CDC42: variants seen among roughly 807,000 people sequenced by gnomAD.
CDC42 encodes the protein cell division control protein 42 homolog.
A neutral mutation model predicts 20.8 loss-of-function variants in CDC42; 1 was observed. The ratio of observed to expected loss-of-function variants is 0.05; its 90% confidence interval spans 0.02 to 0.23. The LOEUF is 0.23. Ranked by LOEUF, CDC42 falls within the 10% of genes least tolerant of loss-of-function variation. The pLI, the probability that CDC42 is intolerant of heterozygous loss-of-function variation, is 1.00. For missense variants in CDC42, 49 were observed against 227.9 expected, an observed-to-expected ratio of 0.21 and a Z score of 5.05; for synonymous variants, 72 against 84.8, an observed-to-expected ratio of 0.85 and a Z score of 0.83.
intron 3 of CDC42, 33 bp downstream of exon 3, chr1:22,081,827 T>G (rs1282161604): frequency 7.6e-7 from 1 of 1,316,206 alleles, no homozygotes; most frequent in Non-Finnish European, 1.1e-6. Flanking sequence ...ACTGTTTTGA[T>G]CTTTAACAGT....
At chr1:22,054,921 A>ATTTTTTTT (rs1180547322) in intron 1 of CDC42, among the ~76,000 whole-genome samples, 2 of 19,396 alleles carry the variant, frequency 1.0e-4, no homozygotes, top group Non-Finnish European at 8.9e-5. Context: ...ATATATATAT[A>ATTTTTTTT]TTTTTTTTTT....
chr1:22,072,781 T>A (rs1199720391), intron 1 of CDC42, among the ~76,000 whole-genome samples: 2 of 152,132 alleles, frequency 1.3e-5, no homozygotes, highest in Non-Finnish European at 2.9e-5. Flanking sequence ...CTCAGGAAAT[T>A]CCTAGGGTTT....
rs971932425 is a variant in CDC42 at position 22,099,506 on chromosome 1, A to G, written c.*7989A>G. On this transcript the variant is annotated 3_prime_UTR_variant, in exon 6 of 6. Coordinates refer to ENST00000656825, the MANE Select transcript of CDC42 (RefSeq NM_001791.4). ...TTGGAAACTGTGTGCTTACCATTAC[A>G]TATCTTATGTGGAAATAAAATGTAT... is the stretch of plus-strand genomic sequence containing the variant. Among the ~76,000 whole-genome samples, 20 of 152,366 alleles carry G rather than the reference A, an allele frequency of 1.3e-4. No individual in the cohort carries two copies. The highest frequency in any genetic ancestry group is 4.1e-4 in the African/African-American group (17 of 41,594).
chr1:22,066,637 G>A (rs1318121140), intron 1 of CDC42, among the ~76,000 whole-genome samples: 5 of 152,196 alleles, frequency 3.3e-5, no homozygotes, highest in Admixed American at 2.0e-4. Context: ...AGGAGTGTAA[G>A]GAGGGAGGGT....
intron 1 of CDC42, among the ~76,000 whole-genome samples, chr1:22,062,486 C>T (rs1569967444): frequency 6.6e-6 from 1 of 152,134 alleles, no homozygotes; most frequent in African/African-American, 2.4e-5. Context: ...TATAGGCTGG[C>T]ATGATTTCAT....
intron 1 of CDC42, among the ~76,000 whole-genome samples, chr1:22,059,877 C>T (rs1044274500): frequency 4.9e-5 from 5 of 101,192 alleles, no homozygotes; most frequent in Non-Finnish European, 9.9e-5. Context: ...GAATTTATTT[C>T]TCTGATATTT....
intron 1 of CDC42, among the ~76,000 whole-genome samples, chr1:22,060,330 C>A (rs569106041): frequency 6.0e-5 from 9 of 150,986 alleles, no homozygotes; most frequent in African/African-American, 2.0e-4. Flanking sequence ...GCTGAGACTC[C>A]GTCTCAAAAA....
At position 22,094,971 on chromosome 1, in the gene CDC42, A is replaced by G. The variant is rs75972062; in HGVS notation, c.*3454A>G. Among the ~76,000 whole-genome samples, 2,040 of 152,242 alleles carry G rather than the reference A, an allele frequency of 0.013. 51 individuals carry two copies. The highest frequency in any genetic ancestry group is 0.043 in the African/African-American group (1,773 of 41,518). On this transcript the variant is annotated 3_prime_UTR_variant, in exon 6 of 6. Coordinates refer to ENST00000656825, the MANE Select transcript of CDC42 (RefSeq NM_001791.4). ...GGTTATTTTGGTGCTGGGTGCTAAG[A>G]AACTCGCAAAACAAGGGCCCTGCTC...
chr1:22,080,338 C>T (rs1645595028), intron 2 of CDC42, among the ~76,000 whole-genome samples: 2 of 152,158 alleles, frequency 1.3e-5, no homozygotes, highest in African/African-American at 4.8e-5. Context: ...AGAAAATAAT[C>T]TGTTTGGTTT....
At chr1:22,066,601 C>T (rs944949571) in intron 1 of CDC42, among the ~76,000 whole-genome samples, 21 of 151,928 alleles carry the variant, frequency 1.4e-4, no homozygotes, top group African/African-American at 5.1e-4. Context: ...TATGACCTTA[C>T]AATAAAGGAA....
At chr1:22,072,091 C>CT (rs55929932) in intron 1 of CDC42, among the ~76,000 whole-genome samples, 7,704 of 70,640 alleles carry the variant, frequency 0.11, 217 homozygotes, top group Middle Eastern at 0.15. Context: ...TTTTACTTAC[C>CT]TTTTTTTTTT....
At chr1:22,079,499 A>G (rs1434251046) in intron 2 of CDC42, among the ~76,000 whole-genome samples, 1 of 152,186 alleles carries the variant, frequency 6.6e-6, no homozygotes, top group Non-Finnish European at 1.5e-5. Flanking sequence ...AATAACAAAA[A>G]TATTGAAGTG....
chr1:22,070,443 C>CTTTTT (rs567184632), intron 1 of CDC42, among the ~76,000 whole-genome samples: 3 of 60,370 alleles, frequency 5.0e-5, no homozygotes, highest in Non-Finnish European at 8.8e-5. Flanking sequence ...GCCTTTGCCT[C>CTTTTT]TTTTTTTTTT....
chr1:22,056,572 C>T (rs558111312), intron 1 of CDC42, among the ~76,000 whole-genome samples: 2 of 152,138 alleles, frequency 1.3e-5, no homozygotes, highest in African/African-American at 4.8e-5. Context: ...GTTTCTCATA[C>T]CTTCAGTCCA....
At chr1:22,074,055 A>G (rs1261562396) in intron 1 of CDC42, 3 of 152,154 alleles carry the variant, frequency 2.0e-5, no homozygotes, top group African/African-American at 7.2e-5. Flanking sequence ...TATTGGTGCA[A>G]AATAACTTAG....
chr1:22,066,680 A>G (rs1645427274), intron 1 of CDC42, among the ~76,000 whole-genome samples: 1 of 100,382 alleles, frequency 1.0e-5, no homozygotes, highest in African/African-American at 3.9e-5. Context: ...TCAGGGGAGG[A>G]CTTTTGGAGG....
chr1:22,095,290 G>A lies in CDC42; in HGVS notation c.*3773G>A, dbSNP rs995536176. ...AATGCTTGAATACTTTTTTTTTTGA[G>A]ATGGAGTCTCGTTCTGTCGCCCAGG... is the stretch of plus-strand genomic sequence containing the variant. On this transcript the variant is annotated 3_prime_UTR_variant, in exon 6 of 6. Coordinates refer to ENST00000656825, the MANE Select transcript of CDC42 (RefSeq NM_001791.4). Among the ~76,000 whole-genome samples, 7 of 151,218 alleles carry A rather than the reference G, an allele frequency of 4.6e-5. No individual in the cohort carries two copies. In the South Asian group the frequency reaches 1.2e-3, roughly 27 times the overall value.
chr1:22,079,447 G>GT (rs1345507097), intron 2 of CDC42, among the ~76,000 whole-genome samples: 2 of 151,880 alleles, frequency 1.3e-5, no homozygotes, highest in Non-Finnish European at 2.9e-5. Flanking sequence ...CCCCATAACT[G>GT]TTTTTTAAAT....
Position 22,095,472 on chromosome 1 carries a change from T to C in CDC42, c.*3955T>C, listed in dbSNP as rs1488766079. 6.6e-6 allele frequency among the ~76,000 whole-genome samples: 1 copy of C among 152,148 alleles called. No homozygotes were observed. The highest frequency in any genetic ancestry group is 1.5e-5 in the Non-Finnish European group (1 of 68,022). ...TTTTAGTAGAGATAGGGTTTCACCA[T>C]GTTAGCCAGGATGGTCTCGATCTCC... On this transcript the variant is annotated 3_prime_UTR_variant, in exon 6 of 6. Transcript: ENST00000656825.
Sources: gnomAD v4.1 joint callset for allele counts (sites outside exome capture counted in the v4.1 genomes callset) on GRCh38, gnomAD v4.1.1 for gene constraint, MANE v1.5 for transcripts, NCBI Gene and HGNC (gene_info 2026-07-23, HGNC 2026-07-21) for gene names.